Variants in ZNF385B observed in about 807,000 individuals in gnomAD.
The protein encoded by ZNF385B is zinc finger protein 385B.
In ZNF385B, 23 loss-of-function variants were observed where a neutral mutation model predicts 39.2. That is an observed-to-expected ratio of 0.59 (90% CI 0.42 to 0.83). The LOEUF (loss-of-function observed/expected upper bound fraction) is 0.83, where lower values mean the gene tolerates loss of function less well. ZNF385B is among the 40% of genes least tolerant of loss of function. The pLI, the probability that ZNF385B is intolerant of heterozygous loss-of-function variation, is 0.00. For missense variants in ZNF385B, 552 were observed against 598.9 expected (o/e 0.92, Z 0.82); for synonymous variants, 205 against 222.6 (o/e 0.92, Z 0.70).
chr2:179,761,928 C>T (rs377050471), intron 3 of ZNF385B, among the ~76,000 whole-genome samples: 3 of 151,736 alleles, frequency 2.0e-5, no homozygotes, highest in African/African-American at 7.3e-5. Flanking sequence ...CTAGAACTTC[C>T]AGCACCATTT....
At chr2:179,600,572 C>G (rs1515317) in intron 3 of ZNF385B, among the ~76,000 whole-genome samples, 2 of 152,074 alleles carry the variant, frequency 1.3e-5, no homozygotes, top group Non-Finnish European at 2.9e-5. Flanking sequence ...TCTATATCTT[C>G]TGGGTCAAAT....
rs974937360 is a variant in ZNF385B, at chr2:179,669,933, T to C, written c.298+99570A>G. ...AGAAGAGATAATGGTGGTGGTGTGG[T>C]GGTACATGTTGAGCAACCAGCTCTC... On this transcript the variant is annotated intron_variant, in intron 3 of 9. Transcript: ENST00000410066. 1.4e-4 allele frequency among the ~76,000 whole-genome samples: 21 copies of C among 152,180 alleles called. 1 individual carries two copies. Among genetic ancestry groups the C allele is most frequent in the African/African-American group, 4.6e-4 (19 of 41,524 alleles).
intron 3 of ZNF385B, among the ~76,000 whole-genome samples, chr2:179,731,212 C>T (rs1363769845): frequency 7.9e-5 from 12 of 152,296 alleles, no homozygotes; most frequent in South Asian, 4.1e-4. Context: ...ACAATTACCA[C>T]GTTTCTAAGC....
intron 1 of ZNF385B, among the ~76,000 whole-genome samples, chr2:179,835,257 A>G (rs1708185603): frequency 6.6e-6 from 1 of 152,234 alleles, no homozygotes; most frequent in African/African-American, 2.4e-5. Flanking sequence ...GAAAAGAGAT[A>G]AAGCAAAAGT....
intron 1 of ZNF385B, among the ~76,000 whole-genome samples, chr2:179,840,449 A>AT (rs1173135506): frequency 1.3e-5 from 2 of 152,178 alleles, no homozygotes; most frequent in Non-Finnish European, 2.9e-5. Flanking sequence ...GTTTGGAAAG[A>AT]TTTTTTTGTT....
intron 3 of ZNF385B, among the ~76,000 whole-genome samples, chr2:179,606,418 T>C (rs1245484946): frequency 1.3e-5 from 2 of 152,172 alleles, no homozygotes; most frequent in African/African-American, 2.4e-5. Flanking sequence ...TCATTAGACA[T>C]TTGGCAGTAC....
chr2:179,655,632 C>A (rs568222360), intron 3 of ZNF385B, among the ~76,000 whole-genome samples: 1 of 151,582 alleles, frequency 6.6e-6, no homozygotes, highest in Non-Finnish European at 1.5e-5. Flanking sequence ...AAATTGTGGA[C>A]CCTCCTTTTA....
At chr2:179,474,416 T>C (rs2053187084) in intron 6 of ZNF385B, among the ~76,000 whole-genome samples, 1 of 152,180 alleles carries the variant, frequency 6.6e-6, no homozygotes, top group African/African-American at 2.4e-5. Context: ...ATAATTAGTA[T>C]GTTACTTAAC....
chr2:179,621,956 T>A lies in ZNF385B; in HGVS notation c.299-76987A>T, dbSNP rs1690252186. Among the ~76,000 whole-genome samples the A allele has an allele frequency of 2.0e-5, 3 of 152,254 alleles. No individual in the cohort carries two copies. The South Asian group carries it at 6.2e-4, about 32-fold the overall frequency. ...TAGCATCTCTGAATCTTGCAAAAAC[T>A]ACAAAATTATACAAGGGAGACACTG... On this transcript the variant is annotated intron_variant, in intron 3 of 9. Coordinates refer to ENST00000410066, the MANE Select transcript of ZNF385B (RefSeq NM_152520.6).
chr2:179,586,426 T>G (rs1574909005), intron 3 of ZNF385B, among the ~76,000 whole-genome samples: 1 of 152,302 alleles, frequency 6.6e-6, no homozygotes, highest in South Asian at 2.1e-4. Context: ...AGTATCTGTT[T>G]AAAGGAATTT....
chr2:179,540,198 C>G (rs1361973196), intron 4 of ZNF385B, among the ~76,000 whole-genome samples: 1 of 152,110 alleles, frequency 6.6e-6, no homozygotes, highest in African/African-American at 2.4e-5. Context: ...GTAATCCCAG[C>G]ACTTTGGGAG....
intron 3 of ZNF385B, among the ~76,000 whole-genome samples, chr2:179,737,453 C>T (rs984378949): frequency 1.3e-5 from 2 of 152,114 alleles, no homozygotes; most frequent in Non-Finnish European, 2.9e-5. Context: ...CAAAACCTCA[C>T]ATGTTGTGCC....
At chr2:179,570,591 C>T (rs1279024810) in intron 3 of ZNF385B, among the ~76,000 whole-genome samples, 1 of 152,178 alleles carries the variant, frequency 6.6e-6, no homozygotes, top group Non-Finnish European at 1.5e-5. Flanking sequence ...GCACAGTTCG[C>T]ATTCAATAAA....
intron 3 of ZNF385B, among the ~76,000 whole-genome samples, chr2:179,703,540 T>C (rs1307685995): frequency 2.6e-5 from 4 of 152,198 alleles, no homozygotes; most frequent in Admixed American, 2.0e-4. Context: ...TTCCAATACC[T>C]ATAACAGTGT....
chr2:179,510,150 CTAT>C (rs2057554521), intron 5 of ZNF385B, among the ~76,000 whole-genome samples: 1 of 15,400 alleles, frequency 6.5e-5, no homozygotes, highest in South Asian at 3.1e-3. Flanking sequence ...AAGCTGCTAT[CTAT>C]CTTAAGGGAT....
At chr2:179,690,348 G>A (rs1698264656) in intron 3 of ZNF385B, among the ~76,000 whole-genome samples, 1 of 152,186 alleles carries the variant, frequency 6.6e-6, no homozygotes, top group African/African-American at 2.4e-5. Context: ...AGTATAAATA[G>A]GGGATTGCTT....
chr2:179,640,161 A>G (rs1247275786), intron 3 of ZNF385B, among the ~76,000 whole-genome samples: 1 of 152,190 alleles, frequency 6.6e-6, no homozygotes, highest in African/African-American at 2.4e-5. Context: ...TGACCATTAA[A>G]TGTAGAGCGT....
intron 6 of ZNF385B, among the ~76,000 whole-genome samples, chr2:179,463,063 C>A (rs565845653): frequency 6.6e-6 from 1 of 151,938 alleles, no homozygotes; most frequent in Admixed American, 6.6e-5. Flanking sequence ...ATAAATAAAA[C>A]AGGGAGAAAT....
chr2:179,725,717 T>C (rs1700963118), intron 3 of ZNF385B, among the ~76,000 whole-genome samples: 1 of 151,228 alleles, frequency 6.6e-6, no homozygotes, highest in Non-Finnish European at 1.5e-5. Context: ...TGCAAATTGT[T>C]TGAGAAAGGC....
Sources: allele counts gnomAD v4.1 joint callset (sites outside exome capture counted in the v4.1 genomes callset), GRCh38; gene constraint gnomAD v4.1.1; transcripts MANE v1.5; gene names NCBI Gene and HGNC (gene_info 2026-07-23, HGNC 2026-07-21).